Variants in EYA1 observed in about 807,000 individuals in gnomAD.
EYA1 encodes EYA transcriptional coactivator and phosphatase 1, also known as protein phosphatase EYA1.
A neutral mutation model predicts 82.0 loss-of-function variants in EYA1; 16 were observed. That is an observed-to-expected ratio of 0.20 (90% confidence interval 0.13 to 0.30). The LOEUF is 0.30. EYA1 is among the 10% of genes least tolerant of loss of function. The pLI is 1.00. For missense variants in EYA1, 633 were observed against 730.7 expected (o/e 0.87, Z 1.54); for synonymous variants, 261 against 264.4 (o/e 0.99, Z 0.12).
intron 2 of EYA1, among the ~76,000 whole-genome samples, chr8:71,390,893 A>T (rs1829240348): frequency 1.3e-5 from 2 of 151,984 alleles, no homozygotes; most frequent in South Asian, 4.2e-4. Context: ...TTCCTTTGTC[A>T]TCTCTATTCC....
chr8:71,425,772 C>T (rs1805179065), intron 2 of EYA1, among the ~76,000 whole-genome samples: 1 of 152,106 alleles, frequency 6.6e-6, no homozygotes, highest in Non-Finnish European at 1.5e-5. Flanking sequence ...AGTATTCTAC[C>T]CATAAACAAG....
At chr8:71,306,531 G>A (rs1373077736) in intron 7 of EYA1, among the ~76,000 whole-genome samples, 2 of 151,982 alleles carry the variant, frequency 1.3e-5, no homozygotes, top group African/African-American at 4.8e-5. Context: ...CGGGGTTTGG[G>A]ATGGGGGTGC....
intron 7 of EYA1, among the ~76,000 whole-genome samples, chr8:71,312,142 G>A (rs775404108): frequency 6.6e-6 from 1 of 152,210 alleles, no homozygotes; most frequent in Admixed American, 6.5e-5. Context: ...TTTTTTTAGA[G>A]CTTCATGAAT....
intron 6 of EYA1, among the ~76,000 whole-genome samples, chr8:71,318,195 T>G (rs992110766): frequency 5.9e-5 from 9 of 152,158 alleles, no homozygotes; most frequent in Non-Finnish European, 1.2e-4. Context: ...CAGTACCAAC[T>G]CATTTTGAAG....
intron 2 of EYA1, among the ~76,000 whole-genome samples, chr8:71,443,416 T>G (rs1806583257): frequency 6.6e-6 from 1 of 152,172 alleles, no homozygotes. Flanking sequence ...CTTAGCCACT[T>G]GGGTAAAGCA....
In EYA1 at chr8:71,201,725, TAATCTC is replaced by T. The variant is rs558698715; in HGVS notation, c.1699-2311_1699-2306del. 5.3e-3 allele frequency among the ~76,000 whole-genome samples: 804 copies of T among 152,318 alleles called. 10 individuals are homozygous for T. The highest frequency in any genetic ancestry group is 6.6e-3 in the Non-Finnish European group (447 of 68,004). ...TCAGCATCCTACTCATTTTACTACT[TAATCTC>T]AAATTCATTTTACATTTTAGACACA... On this transcript the variant is annotated intron_variant, in intron 17 of 17. Coordinates refer to ENST00000340726, the MANE Select transcript of EYA1 (RefSeq NM_000503.6).
At chr8:71,497,996 A>T (rs1392466238) in intron 2 of EYA1, among the ~76,000 whole-genome samples, 10 of 152,284 alleles carry the variant, frequency 6.6e-5, no homozygotes, top group African/African-American at 9.6e-5. Flanking sequence ...AATCTAAAAA[A>T]GTTGATCTTC....
At chr8:71,292,115 CT>C (rs1367849412) in intron 9 of EYA1, among the ~76,000 whole-genome samples, 1 of 151,958 alleles carries the variant, frequency 6.6e-6, no homozygotes, top group East Asian at 1.9e-4. Context: ...TTACAATTTT[CT>C]TCGTAATAAT....
At chr8:71,478,733 G>A (rs1809868261) in intron 2 of EYA1, among the ~76,000 whole-genome samples, 1 of 152,152 alleles carries the variant, frequency 6.6e-6, no homozygotes, top group Admixed American at 6.5e-5. Context: ...TGGGGTCACA[G>A]GAGGCATGGG....
Position 71,503,472 on chromosome 8 carries a change from CA to C in EYA1, c.33+32271del, listed in dbSNP as rs375914271. 3.2e-3 allele frequency among the ~76,000 whole-genome samples: 431 copies of C among 136,222 alleles called. 1 individual carries two copies. The highest frequency in any genetic ancestry group is 0.026 in the East Asian group (120 of 4,638). The allele number at this position is 136,222 out of a possible 152,430, so 89.4% of individuals were successfully genotyped here. A position where few individuals can be genotyped will look rare whatever the true frequency, so the allele number is the denominator to read the frequency against. ...TGGGCTACAGAGTAAGACTCCATCT[CA>C]AAAAAAAAAAAGGAAGAATCACCTT... On this transcript the variant is annotated intron_variant, in intron 2 of 18. Coordinates refer to the EYA1 transcript ENST00000643681.
chr8:71,348,446 G>A (rs920739364), intron 3 of EYA1, among the ~76,000 whole-genome samples: 1 of 152,146 alleles, frequency 6.6e-6, no homozygotes, highest in African/African-American at 2.4e-5. Flanking sequence ...CAAAGTTCTG[G>A]CCCAACCAGC....
intron 2 of EYA1, among the ~76,000 whole-genome samples, chr8:71,517,185 G>A (rs1238282012): frequency 1.3e-5 from 2 of 151,732 alleles, no homozygotes; most frequent in African/African-American, 4.8e-5. Flanking sequence ...CCTGTTTGTT[G>A]ATGATCTCAG....
intron 2 of EYA1, among the ~76,000 whole-genome samples, chr8:71,526,329 T>C (rs1444341287): frequency 6.6e-6 from 1 of 151,890 alleles, no homozygotes; most frequent in Non-Finnish European, 1.5e-5. Flanking sequence ...ATTATATTCA[T>C]GATCAAGCTT....
chr8:71,532,860 C>T (rs2129285163), intron 2 of EYA1, among the ~76,000 whole-genome samples: 1 of 152,284 alleles, frequency 6.6e-6, no homozygotes, highest in Middle Eastern at 3.4e-3. Flanking sequence ...ATGCAAAAAT[C>T]AAGGTCCCCA....
At chr8:71,279,716 A>G (rs1431163197) in intron 9 of EYA1, among the ~76,000 whole-genome samples, 1 of 152,216 alleles carries the variant, frequency 6.6e-6, no homozygotes, top group African/African-American at 2.4e-5. Context: ...ACTTCTCTAC[A>G]CCAGCTGCAC....
intron 2 of EYA1, among the ~76,000 whole-genome samples, chr8:71,466,709 A>G (rs1438914714): frequency 1.3e-5 from 2 of 152,142 alleles, no homozygotes; most frequent in Non-Finnish European, 2.9e-5. Context: ...TAAATTAAAT[A>G]TGTTGTTGTT....
At chr8:71,529,198 C>T (rs1179364745) in intron 2 of EYA1, among the ~76,000 whole-genome samples, 4 of 152,128 alleles carry the variant, frequency 2.6e-5, no homozygotes, top group Middle Eastern at 3.2e-3. Flanking sequence ...TTCACTATGC[C>T]TAATTGCCTT....
chr8:71,533,748 A>T (rs1814482835), intron 2 of EYA1, among the ~76,000 whole-genome samples: 1 of 152,188 alleles, frequency 6.6e-6, no homozygotes, highest in Non-Finnish European at 1.5e-5. Flanking sequence ...GCCTCTGAAG[A>T]GATTGTGACA....
At chr8:71,297,026 A>C (rs1819669557) in intron 9 of EYA1, among the ~76,000 whole-genome samples, 1 of 152,286 alleles carries the variant, frequency 6.6e-6, no homozygotes, top group Non-Finnish European at 1.5e-5. Flanking sequence ...TGATCCAGAC[A>C]TACTCGCTTT....
Sources: allele counts gnomAD v4.1 joint callset (sites outside exome capture counted in the v4.1 genomes callset), GRCh38; gene constraint gnomAD v4.1.1; transcripts MANE v1.5; gene names NCBI Gene and HGNC (gene_info 2026-07-23, HGNC 2026-07-21).